The following LUZP2 variants were observed in gnomAD, a reference collection of about 807,000 sequenced individuals.
LUZP2 encodes leucine zipper protein 2.
In LUZP2, 52 loss-of-function variants were observed where a neutral mutation model predicts 51.6. The observed-to-expected ratio is 1.01, with a 90% CI of 0.81 to 1.27. LUZP2 has a LOEUF of 1.27. Ranked by LOEUF, LUZP2 falls within the 50% of genes most tolerant of loss-of-function variation. LUZP2 has a pLI of 0.00. For synonymous variants in LUZP2, 154 were observed against 137.3 expected (o/e 1.12, Z -0.85); for missense variants, 436 against 395.4 (o/e 1.10, Z -0.87).
intron 1 of LUZP2, among the ~76,000 whole-genome samples, chr11:24,523,947 G>A (rs765500164): frequency 3.1e-4 from 47 of 151,756 alleles, no homozygotes; most frequent in Non-Finnish European, 6.1e-4. Flanking sequence ...AAAACCTGAG[G>A]TCAGGTGAGG....
intron 1 of LUZP2, among the ~76,000 whole-genome samples, chr11:24,703,085 A>G (rs982970800): frequency 6.6e-6 from 1 of 152,206 alleles, no homozygotes; most frequent in East Asian, 1.9e-4. Flanking sequence ...ATACCTTGCT[A>G]TAAAGTCAAA....
At chr11:24,703,101 G>A (rs1857465117) in intron 1 of LUZP2, among the ~76,000 whole-genome samples, 1 of 152,180 alleles carries the variant, frequency 6.6e-6, no homozygotes, top group Admixed American at 6.5e-5. Flanking sequence ...TCAAAGAATT[G>A]TGGCAGTGAA....
At chr11:24,910,862 C>T (rs1162522456) in intron 6 of LUZP2, among the ~76,000 whole-genome samples, 2 of 152,158 alleles carry the variant, frequency 1.3e-5, no homozygotes, top group African/African-American at 2.4e-5. Flanking sequence ...CCACCGACAA[C>T]TTGCACCGTG....
chr11:24,899,037 C>CT (rs1168344368), intron 5 of LUZP2, among the ~76,000 whole-genome samples: 1 of 152,060 alleles, frequency 6.6e-6, no homozygotes, highest in Non-Finnish European at 1.5e-5. Flanking sequence ...TGGCAATTTT[C>CT]TTTCACTTTA....
intron 7 of LUZP2, among the ~76,000 whole-genome samples, chr11:24,962,161 C>T (rs1229531560): frequency 6.6e-6 from 1 of 152,100 alleles, no homozygotes. Context: ...CCCAACCTTT[C>T]TCTCTGGCTG....
At chr11:24,607,829 A>ATT (rs36035163) in intron 1 of LUZP2, among the ~76,000 whole-genome samples, 39,278 of 144,896 alleles carry the variant, frequency 0.27, 5,380 homozygotes, top group African/African-American at 0.33. Context: ...TCTCTATTTT[A>ATT]TTTTTTTTTT....
chr11:24,518,018 C>T (rs1850532718), intron 1 of LUZP2, among the ~76,000 whole-genome samples: 1 of 151,944 alleles, frequency 6.6e-6, no homozygotes, highest in African/African-American at 2.4e-5. Context: ...CATTAAGTTT[C>T]TATTCATGTG....
chr11:24,800,254 A>T (rs1849659526), intron 5 of LUZP2, among the ~76,000 whole-genome samples: 1 of 152,000 alleles, frequency 6.6e-6, no homozygotes, highest in East Asian at 1.9e-4. Context: ...ATTCTTGGTG[A>T]TACTTAGTTG....
intron 5 of LUZP2, among the ~76,000 whole-genome samples, chr11:24,872,032 T>C (rs976897940): frequency 4.6e-5 from 7 of 152,120 alleles, no homozygotes; most frequent in African/African-American, 1.2e-4. Flanking sequence ...CATTCCCCTC[T>C]GTTTTCATCC....
intron 1 of LUZP2, among the ~76,000 whole-genome samples, chr11:24,522,153 A>T (rs1397732300): frequency 2.0e-5 from 3 of 152,146 alleles, no homozygotes; most frequent in African/African-American, 7.2e-5. Flanking sequence ...TATAGAACCA[A>T]CTTGTTGTCC....
At chr11:24,870,143 T>A (rs1852015661) in intron 5 of LUZP2, among the ~76,000 whole-genome samples, 1 of 152,110 alleles carries the variant, frequency 6.6e-6, no homozygotes, top group Admixed American at 6.6e-5. Context: ...CTGTAAAGGC[T>A]GAGAAAGATA....
intron 1 of LUZP2, among the ~76,000 whole-genome samples, chr11:24,527,223 C>T (rs1345284576): frequency 6.6e-6 from 1 of 151,082 alleles, no homozygotes; most frequent in Non-Finnish European, 1.5e-5. Context: ...GGTTTATCTT[C>T]TAAAAAGAGG....
intron 1 of LUZP2, among the ~76,000 whole-genome samples, chr11:24,620,893 C>T (rs1216291826): frequency 2.6e-5 from 4 of 152,190 alleles, no homozygotes. Context: ...ATAAGATTAT[C>T]ATGCTTGCTC....
chr11:25,018,567 C>G (rs1045093419), intron 9 of LUZP2, among the ~76,000 whole-genome samples: 3 of 148,904 alleles, frequency 2.0e-5, no homozygotes, highest in Non-Finnish European at 4.5e-5. Context: ...AGTCTTTGAG[C>G]TATAATATAA....
In LUZP2 at chr11:24,630,670, C is replaced by T. The variant is rs545482403; in HGVS notation, c.63-98499C>T. ...TTCCTTGTAATGGCTTTGGCTATTC[C>T]GACTTTTTTTTTTTTTTTTTTTGCT... On this transcript the variant is annotated intron_variant, in intron 1 of 11. Coordinates refer to ENST00000336930, the MANE Select transcript of LUZP2 (RefSeq NM_001009909.4). Among the ~76,000 whole-genome samples, 139 of 114,372 alleles carry T rather than the reference C, an allele frequency of 1.2e-3. 2 individuals carry two copies. The highest frequency in any genetic ancestry group is 4.4e-3 in the African/African-American group (123 of 27,860). The allele number at this position is 114,372 out of a possible 152,430, so 75.0% of individuals were successfully genotyped here.
chr11:24,660,016 G>A, intron 1 of LUZP2, among the ~76,000 whole-genome samples: 1 of 152,030 alleles, frequency 6.6e-6, no homozygotes, highest in East Asian at 1.9e-4. Context: ...AGGTGGACCG[G>A]GTCTAATCAA....
chr11:24,714,055 T>A (rs1403141135), intron 1 of LUZP2, among the ~76,000 whole-genome samples: 1 of 151,800 alleles, frequency 6.6e-6, no homozygotes, highest in Non-Finnish European at 1.5e-5. Flanking sequence ...AATACAAAAG[T>A]CAATACAGTA....
chr11:24,784,377 C>T (rs1338723691), intron 5 of LUZP2, among the ~76,000 whole-genome samples: 1 of 151,232 alleles, frequency 6.6e-6, no homozygotes, highest in Non-Finnish European at 1.5e-5. Flanking sequence ...GGTGACAATA[C>T]CCGATAAATT....
rs540801858 is a variant in LUZP2 at position 25,009,263 on chromosome 11, A to G, written c.765+25970A>G. 3.9e-4 allele frequency among the ~76,000 whole-genome samples: 59 copies of G among 152,336 alleles called. 2 individuals are homozygous for G. The South Asian group carries it at 0.012, about 31-fold the overall frequency. On this transcript the variant is annotated intron_variant, in intron 9 of 11. Coordinates refer to ENST00000336930, the MANE Select transcript of LUZP2 (RefSeq NM_001009909.4). ...ATATAAACCAGAAAGAAAGTGAGATACGTACTTTAAATGATCTTTTACTTA... is the reference window on the plus strand; with the variant it reads ...ATATAAACCAGAAAGAAAGTGAGATGCGTACTTTAAATGATCTTTTACTTA...
Sources: gnomAD v4.1 joint callset for allele counts (sites outside exome capture counted in the v4.1 genomes callset) on GRCh38, gnomAD v4.1.1 for gene constraint, MANE v1.5 for transcripts, NCBI Gene and HGNC (gene_info 2026-07-23, HGNC 2026-07-21) for gene names.